CHSY3: variants seen among roughly 807,000 people sequenced by gnomAD.
CHSY3 encodes N-acetylgalactosaminyl-proteoglycan 3-beta-glucuronosyltransferase 3.
A neutral mutation model predicts 67.2 loss-of-function variants in CHSY3; 35 were observed. The observed-to-expected ratio is 0.52, with a 90% confidence interval of 0.40 to 0.69. The LOEUF is 0.69. CHSY3 is among the 30% of genes least tolerant of loss of function. The pLI, the probability that CHSY3 is intolerant of heterozygous loss-of-function variation, is 0.00. For missense variants in CHSY3, 1,069 were observed against 1,138.5 expected (o/e 0.94, Z 0.88); for synonymous variants, 474 against 434.7 (o/e 1.09, Z -1.12).
chr5:130,185,072 A>G lies in CHSY3; in HGVS notation c.1930A>G (p.Met644Val). ...GAGATTCATGGAGAACTTTGAAAAC[A>G]TGTGTCTTATCCCAAAGCAGAATGT... ...FLRFMENFEN[M>V]CLIPKQNVKL... The change falls in exon 3 of 3, where the codon ATG becomes GTG. Residue 644 changes from methionine (M) to valine (V), a missense_variant. Transcript: ENST00000305031. 1 of 1,605,406 alleles carries G rather than the reference A, an allele frequency of 6.2e-7. No homozygotes were observed. The highest frequency in any genetic ancestry group is 8.5e-7 in the Non-Finnish European group (1 of 1,172,062).
intron 2 of CHSY3, among the ~76,000 whole-genome samples, chr5:129,973,048 A>G (rs1282395931): frequency 1.3e-5 from 2 of 152,090 alleles, no homozygotes; most frequent in Non-Finnish European, 2.9e-5. Flanking sequence ...ACTCTCTCAC[A>G]TGATGCTCCT....
chr5:129,912,896 T>G lies in CHSY3; in HGVS notation c.1086+4536T>G, dbSNP rs112616970. ...TGTTTTAAGGCCATATGGCAGATGT[T>G]AATAACCAACAGACTTCATGGGTTA... On this transcript the variant is annotated intron_variant, in intron 2 of 2. Coordinates refer to ENST00000305031, the MANE Select transcript of CHSY3 (RefSeq NM_175856.5). 9.4e-3 allele frequency among the ~76,000 whole-genome samples: 1,436 copies of G among 152,316 alleles called. 22 individuals are homozygous for G. Among genetic ancestry groups the G allele is most frequent in the African/African-American group, 0.033 (1,373 of 41,558 alleles).
chr5:129,976,249 A>G (rs769341799), intron 2 of CHSY3, among the ~76,000 whole-genome samples: 11 of 152,142 alleles, frequency 7.2e-5, no homozygotes, highest in Non-Finnish European at 1.3e-4. Flanking sequence ...ATGAACTGGA[A>G]GTTTCCTGGA....
chr5:130,143,808 G>GTGTATATATATATATA (rs1768979660), intron 2 of CHSY3, among the ~76,000 whole-genome samples: 3 of 34,066 alleles, frequency 8.8e-5, no homozygotes, highest in Non-Finnish European at 1.7e-4. Context: ...ATATATATGT[G>GTGTATATATATATATA]TGTATATATA....
intron 2 of CHSY3, among the ~76,000 whole-genome samples, chr5:130,094,601 T>A (rs1766986455): frequency 1.3e-5 from 2 of 152,082 alleles, no homozygotes; most frequent in Non-Finnish European, 2.9e-5. Flanking sequence ...AGTGGAAGTG[T>A]GGAGGTGGAT....
chr5:129,991,554 A>G (rs931044481), intron 2 of CHSY3, among the ~76,000 whole-genome samples: 28 of 152,166 alleles, frequency 1.8e-4, no homozygotes, highest in Non-Finnish European at 1.2e-4. Context: ...AAGAATATGT[A>G]GGGTGTTGAG....
At chr5:129,920,225 A>C (rs761281735) in intron 2 of CHSY3, among the ~76,000 whole-genome samples, 28 of 152,068 alleles carry the variant, frequency 1.8e-4, no homozygotes, top group South Asian at 4.2e-4. Flanking sequence ...ATCCACAAGG[A>C]ATAGGTTTCT....
At chr5:130,062,004 A>G (rs1431475180) in intron 2 of CHSY3, among the ~76,000 whole-genome samples, 1 of 152,086 alleles carries the variant, frequency 6.6e-6, no homozygotes, top group Admixed American at 6.6e-5. Context: ...AGATTTATCA[A>G]AGAACTAAAA....
At chr5:130,132,994 A>G (rs938874191) in intron 2 of CHSY3, among the ~76,000 whole-genome samples, 4 of 152,222 alleles carry the variant, frequency 2.6e-5, no homozygotes, top group Non-Finnish European at 5.9e-5. Context: ...TTCAGTAGGC[A>G]TAATTCATTC....
At chr5:129,905,803 C>A (rs752672250) in intron 1 of CHSY3, 172 bp downstream of exon 1, 7 of 1,358,098 alleles carry the variant, frequency 5.2e-6, no homozygotes, top group Admixed American at 2.9e-5. Context: ...CAATTCGTAG[C>A]CCGTTCCTCG....
At chr5:130,036,017 G>T (rs1764853583) in intron 2 of CHSY3, among the ~76,000 whole-genome samples, 1 of 145,762 alleles carries the variant, frequency 6.9e-6, no homozygotes, top group Non-Finnish European at 1.5e-5. Flanking sequence ...AAGGCCCTTT[G>T]TTCAATCCTG....
chr5:130,129,495 G>A (rs1456274095), intron 2 of CHSY3, among the ~76,000 whole-genome samples: 3 of 152,046 alleles, frequency 2.0e-5, no homozygotes, highest in African/African-American at 7.2e-5. Flanking sequence ...TTATTATCCT[G>A]TTTAGCTTTC....
intron 2 of CHSY3, among the ~76,000 whole-genome samples, chr5:129,931,827 T>C (rs1405817923): frequency 6.6e-6 from 1 of 152,044 alleles, no homozygotes; most frequent in African/African-American, 2.4e-5. Context: ...ATGAAAGTCC[T>C]CCCCATGGAC....
chr5:129,954,791 A>T (rs1161478465), intron 2 of CHSY3, among the ~76,000 whole-genome samples: 1 of 151,900 alleles, frequency 6.6e-6, no homozygotes, highest in East Asian at 1.9e-4. Flanking sequence ...TCTGTTATTG[A>T]TGTATAGGAA....
At position 130,027,304 on chromosome 5, in the gene CHSY3, G is replaced by T. The variant is rs530959277; in HGVS notation, c.1086+118944G>T. On this transcript the variant is annotated intron_variant, in intron 2 of 2. Coordinates refer to ENST00000305031, the MANE Select transcript of CHSY3 (RefSeq NM_175856.5). The stretch of plus-strand genomic sequence containing the variant: ...AACAACTTTGTAAAAGGAGAATATA[G>T]CTAGGAGGAAGAATAGCCACAAGTC... 2.6e-4 allele frequency among the ~76,000 whole-genome samples: 39 copies of T among 152,150 alleles called. No individual in the cohort carries two copies. In the South Asian group the frequency reaches 5.0e-3, roughly 19 times the overall value.
chr5:129,912,691 C>T lies in CHSY3; in HGVS notation c.1086+4331C>T, dbSNP rs185243760. ...CCAATCCAGATATCTTAAAAGATCA[C>T]TGGATGTGCACCCAGACCACAGTAG... On this transcript the variant is annotated intron_variant, in intron 2 of 2. Transcript: ENST00000305031. 4.7e-3 allele frequency among the ~76,000 whole-genome samples: 723 copies of T among 152,302 alleles called. 1 individual carries two copies. Among genetic ancestry groups the T allele is most frequent in the Non-Finnish European group, 7.3e-3 (498 of 68,032 alleles).
chr5:129,908,509 A>T (rs1002290989), intron 2 of CHSY3, 149 bp downstream of exon 2: 59 of 1,280,602 alleles, frequency 4.6e-5, no homozygotes, highest in Admixed American at 2.3e-4. Context: ...AGAGTGGGAG[A>T]TAACTTTCTC....
At chr5:130,160,057 A>G (rs1400382463) in intron 2 of CHSY3, among the ~76,000 whole-genome samples, 1 of 152,240 alleles carries the variant, frequency 6.6e-6, no homozygotes, top group Non-Finnish European at 1.5e-5. Flanking sequence ...TGAGACTGTT[A>G]GCACGATTTA....
intron 2 of CHSY3, among the ~76,000 whole-genome samples, chr5:129,962,378 A>G (rs1427341090): frequency 6.6e-6 from 1 of 151,620 alleles, no homozygotes; most frequent in Non-Finnish European, 1.5e-5. Flanking sequence ...CTTTAAATCC[A>G]CTTGTTTTCC....
Sources: allele counts gnomAD v4.1 joint callset (sites outside exome capture counted in the v4.1 genomes callset), GRCh38; gene constraint gnomAD v4.1.1; transcripts MANE v1.5; gene names NCBI Gene and HGNC (gene_info 2026-07-23, HGNC 2026-07-21).